The following SLC25A27 variants were observed in gnomAD, a reference collection of about 807,000 sequenced individuals.
SLC25A27 encodes the protein mitochondrial uncoupling protein 4.
SLC25A27 carries 35 observed loss-of-function variants against 49.1 expected under a neutral mutation model. The observed-to-expected ratio is 0.71, with a 90% CI of 0.54 to 0.95. SLC25A27 has a LOEUF of 0.95. SLC25A27 is among the 40% of genes least tolerant of loss of function. The pLI, the probability that SLC25A27 is intolerant of heterozygous loss-of-function variation, is 0.00. For synonymous variants in SLC25A27, 144 were observed against 136.9 expected, an observed-to-expected ratio of 1.05 and a Z score of -0.36; for missense variants, 339 against 397.1, an observed-to-expected ratio of 0.85 and a Z score of 1.24.
chr6:46,656,029 A>T lies in SLC25A27; in HGVS notation c.293A>T (p.His98Leu), dbSNP rs1762967186. 1 of 1,605,822 alleles carries T rather than the reference A, an allele frequency of 6.2e-7. No individual in the cohort carries two copies. Among genetic ancestry groups the T allele is most frequent in the Admixed American group, 1.7e-5 (1 of 58,226 alleles). The stretch of plus-strand genomic sequence containing the variant: ...GGAGTGACACCCGCCATTTACAGAC[A>T]CGTAGGTATTTATCTTGATTCTAGC... ...WQGVTPAIYR[H>L]VVYSGGRMVT... is the part of the protein sequence containing the mutation. Residue 98 changes from histidine to leucine, a missense_variant, in exon 2 of 9, where the codon CAC (histidine) becomes CTC (leucine). By Grantham distance (99) the His-to-Leu change is moderately conservative. Coordinates refer to ENST00000371347, the MANE Select transcript of SLC25A27 (RefSeq NM_004277.5).
intron 2 of SLC25A27, among the ~76,000 whole-genome samples, 171 bp downstream of exon 2, chr6:46,656,205 G>A (rs1762973253): frequency 6.6e-6 from 1 of 151,514 alleles, no homozygotes; most frequent in East Asian, 1.9e-4. Flanking sequence ...TTTTGAGATG[G>A]AGTCACACTC....
intron 6 of SLC25A27, 106 bp downstream of exon 6, chr6:46,668,899 C>G: frequency 1.5e-6 from 1 of 669,818 alleles, no homozygotes; most frequent in South Asian, 2.0e-5. Flanking sequence ...GTACTGGCAT[C>G]ACCTTTAGAG....
intron 5 of SLC25A27, among the ~76,000 whole-genome samples, chr6:46,667,381 C>T (rs1763359779): frequency 2.0e-5 from 3 of 152,174 alleles, no homozygotes; most frequent in African/African-American, 7.2e-5. Flanking sequence ...TTAATAGGAA[C>T]TATTGAGTTC....
chr6:46,670,592 G>A (rs938316574), intron 7 of SLC25A27: 3 of 205,154 alleles, frequency 1.5e-5, no homozygotes, highest in East Asian at 1.6e-4. Context: ...CTCCCTGGAA[G>A]AGAAAAGATA....
rs1420304274 is a variant in SLC25A27 at position 46,678,124 on chromosome 6, T to C, written c.*1670T>C. 6.7e-6 allele frequency: 1 copy of C among 149,558 alleles called. No homozygotes were observed. The highest frequency in any genetic ancestry group is 1.5e-5 in the Non-Finnish European group (1 of 67,506). 9.3% of individuals were successfully genotyped at this position (149,558 alleles called of 1,614,324 possible). ...TTAGGGAAAATTTTGTTTGTTTTTA[T>C]GTTTTGTAATTTTTAAAATTAAGTA... On this transcript the variant is annotated 3_prime_UTR_variant, in exon 9 of 9. Transcript: ENST00000371347.
Position 46,653,176 on chromosome 6 carries a change from T to G in SLC25A27, c.-17T>G. 1 of 1,608,544 alleles carries G rather than the reference T, an allele frequency of 6.2e-7. No individual in the cohort carries two copies. Among genetic ancestry groups the G allele is most frequent in the Non-Finnish European group, 8.5e-7 (1 of 1,176,204 alleles). ...AGCGGCGAGAAGGAGTGCGTTATCG[T>G]CTTGCGCTACTGCTGAATGTCCGTC... On this transcript the variant is annotated 5_prime_UTR_variant, in exon 1 of 9. Transcript: ENST00000371347.
chr6:46,660,172 C>G lies in SLC25A27; in HGVS notation c.383+1126C>G, dbSNP rs189407794. Among the ~76,000 whole-genome samples the G allele has an allele frequency of 2.4e-3, 365 of 151,630 alleles. 2 individuals carry two copies. The highest frequency in any genetic ancestry group is 8.2e-3 in the African/African-American group (337 of 41,262). ...TGATTCTCTTGGAAAGAGTGGTGCACTAATGAGCTGAAAGATTCCACTGCC... is the reference window on the plus strand; with the variant it reads ...TGATTCTCTTGGAAAGAGTGGTGCAGTAATGAGCTGAAAGATTCCACTGCC... On this transcript the variant is annotated intron_variant, in intron 3 of 8. Coordinates refer to ENST00000371347, the MANE Select transcript of SLC25A27 (RefSeq NM_004277.5).
chr6:46,665,662 G>C (rs1199606963), intron 5 of SLC25A27, among the ~76,000 whole-genome samples: 1 of 151,774 alleles, frequency 6.6e-6, no homozygotes, highest in Non-Finnish European at 1.5e-5. Flanking sequence ...CTCTAGACTG[G>C]GCAACAGAGC....
At chr6:46,662,557 A>G (rs1371449368) in intron 4 of SLC25A27, 59 bp downstream of exon 4, 4 of 1,552,828 alleles carry the variant, frequency 2.6e-6, no homozygotes, top group African/African-American at 2.7e-5. Flanking sequence ...CATATTTTTA[A>G]CAAGTACCTA....
chr6:46,653,928 C>T (rs1369370291), intron 1 of SLC25A27: 1 of 862,508 alleles, frequency 1.2e-6, no homozygotes, highest in Non-Finnish European at 1.4e-6. Context: ...TTGAAAAGAC[C>T]CAGTTCTGAC....
At chr6:46,672,523 A>G (rs1763594273) in intron 8 of SLC25A27, among the ~76,000 whole-genome samples, 1 of 152,186 alleles carries the variant, frequency 6.6e-6, no homozygotes, top group African/African-American at 2.4e-5. Context: ...GATTAAAAAC[A>G]TGTTTAGGAG....
chr6:46,655,531 GTTTGTTTTTTTTTTTTTT>G (rs1554170359), intron 1 of SLC25A27, among the ~76,000 whole-genome samples: 1 of 98,548 alleles, frequency 1.0e-5, no homozygotes. Flanking sequence ...TATTGTTAAT[GTTTGTTTTTTTTTTTTTT>G]TTTTTTTTTT....
chr6:46,677,577 G>A lies in SLC25A27; in HGVS notation c.*1123G>A, dbSNP rs1023904224. 2.6e-5 allele frequency: 4 copies of A among 152,288 alleles called. No individual in the cohort carries two copies. Among genetic ancestry groups the A allele is most frequent in the South Asian group, 2.1e-4 (1 of 4,822 alleles). The allele number at this position is 152,288 out of a possible 1,614,324, so 9.4% of individuals were successfully genotyped here. ...TGTTTATGGTATACAGTTATGTCTCGAATCTTTGAATCAAATCCATGTTCT... is the reference window on the plus strand; with the variant it reads ...TGTTTATGGTATACAGTTATGTCTCAAATCTTTGAATCAAATCCATGTTCT... On this transcript the variant is annotated 3_prime_UTR_variant, in exon 9 of 9. Coordinates refer to ENST00000371347, the MANE Select transcript of SLC25A27 (RefSeq NM_004277.5).
chr6:46,678,030 T>TTATATATA lies in SLC25A27; in HGVS notation c.*1604_*1611dup, dbSNP rs67622673. 1,908 of 100,064 alleles carry TTATATATA rather than the reference T, an allele frequency of 0.019. 117 individuals carry two copies. The highest frequency in any genetic ancestry group is 0.034 in the African/African-American group (855 of 25,032). The allele number at this position is 100,064 out of a possible 1,614,324, so 6.2% of individuals were successfully genotyped here. On this transcript the variant is annotated 3_prime_UTR_variant, in exon 9 of 9. Coordinates refer to ENST00000371347, the MANE Select transcript of SLC25A27 (RefSeq NM_004277.5). ...CAATATGTAATTGCGTTGTAAAATA[T>TTATATATA]TATATATATATATATATATATATAT...
rs765896195 is a variant in SLC25A27, at chr6:46,664,794, C to T, written c.527C>T (p.Ala176Val). 3 of 1,604,788 alleles carry T rather than the reference C, an allele frequency of 1.9e-6. No homozygotes were observed. The Admixed American group carries it at 5.1e-5, about 27-fold the overall frequency. Residue 176 changes from alanine (A) to valine (V), a missense_variant, in exon 5 of 9, where the codon GCA becomes GTA. Coordinates refer to ENST00000371347, the MANE Select transcript of SLC25A27 (RefSeq NM_004277.5). ...KPLRFRGVHH[A>V]FAKILAEGGI... is the part of the protein sequence containing the mutation. ...CTTAGATTTCGTGGTGTACATCATG[C>T]ATTTGCAAAAATCTTAGCTGAAGGA...
At position 46,676,787 on chromosome 6, in the gene SLC25A27, G is replaced by C. The variant is rs151298041; in HGVS notation, c.*333G>C. On this transcript the variant is annotated 3_prime_UTR_variant, in exon 9 of 9. Coordinates refer to ENST00000371347, the MANE Select transcript of SLC25A27 (RefSeq NM_004277.5). ...TATTCTATGCTGAAGAGCCTGCTTA[G>C]AGGAGGAGTACCAGGAGGGAGCCAG... The C allele has an allele frequency of 7.7e-4, 803 of 1,049,220 alleles. 8 individuals are homozygous for C. The African/African-American group carries it at 0.01, about 13-fold the overall frequency. 65.0% of individuals were successfully genotyped at this position (1,049,220 alleles called of 1,614,324 possible). A position where few individuals can be genotyped will look rare whatever the true frequency, so the allele number is the denominator to read the frequency against.
At chr6:46,655,547 T>G (rs1033865786) in intron 1 of SLC25A27, among the ~76,000 whole-genome samples, 7 of 30,436 alleles carry the variant, frequency 2.3e-4, no homozygotes, top group African/African-American at 7.8e-4. Context: ...TTTTTTTTTT[T>G]TTTTTTTTTT....
intron 6 of SLC25A27, among the ~76,000 whole-genome samples, chr6:46,669,521 A>T (rs1763443180): frequency 3.3e-5 from 5 of 152,208 alleles, no homozygotes; most frequent in Admixed American, 3.3e-4. Flanking sequence ...GATGACCCTA[A>T]AAGTAGACAA....
At position 46,661,295 on chromosome 6, in the gene SLC25A27, G is replaced by T. The variant is rs866382937; in HGVS notation, c.384-1081G>T. The stretch of plus-strand genomic sequence containing the variant: ...AAACAGGCATTTTCACAGGTTGTTG[G>T]TGGAAGTGCAAATTGATAAAGGTTT... On this transcript the variant is annotated intron_variant, in intron 3 of 8. Coordinates refer to ENST00000371347, the MANE Select transcript of SLC25A27 (RefSeq NM_004277.5). Among the ~76,000 whole-genome samples, 157 of 152,228 alleles carry T rather than the reference G, an allele frequency of 1.0e-3. 1 individual carries two copies. Among genetic ancestry groups the T allele is most frequent in the African/African-American group, 3.5e-3 (144 of 41,526 alleles).
Sources: gnomAD v4.1 joint callset for allele counts (sites outside exome capture counted in the v4.1 genomes callset) on GRCh38, gnomAD v4.1.1 for gene constraint, MANE v1.5 for transcripts, NCBI Gene and HGNC (gene_info 2026-07-23, HGNC 2026-07-21) for gene names.